The following CADM1 variants were observed in gnomAD, a reference collection of about 807,000 sequenced individuals.
CADM1 encodes the protein TSLC-1.
Under a neutral mutation model 53.1 loss-of-function variants are expected in CADM1, and 15 were observed. The ratio of observed to expected loss-of-function variants is 0.28; its 90% CI spans 0.19 to 0.44. CADM1 has a LOEUF of 0.44. Among genes scored for constraint, CADM1 ranks in the 20% least tolerant of loss-of-function variants. The probability of loss-of-function intolerance (pLI) is 1.00; values close to 1 mark genes in which losing one functional copy is unlikely to be tolerated. For synonymous variants in CADM1, 281 were observed against 243.0 expected, an observed-to-expected ratio of 1.16 and a Z score of -1.45; for missense variants, 434 against 611.3, an observed-to-expected ratio of 0.71 and a Z score of 3.06.
chr11:115,271,059 C>T (rs1447295546), intron 1 of CADM1, among the ~76,000 whole-genome samples: 1 of 152,062 alleles, frequency 6.6e-6, no homozygotes, highest in Non-Finnish European at 1.5e-5. Context: ...ATTAAGCCAA[C>T]CTGGATGAGG....
chr11:115,490,437 C>T (rs1017122886), intron 1 of CADM1, among the ~76,000 whole-genome samples: 3 of 129,090 alleles, frequency 2.3e-5, no homozygotes, highest in African/African-American at 9.0e-5. Flanking sequence ...CTTGCTCTGT[C>T]GCCCAGGCTG....
At position 115,365,935 on chromosome 11, in the gene CADM1, G is replaced by A. The variant is rs185154971; in HGVS notation, c.125-125515C>T. Among the ~76,000 whole-genome samples the A allele has an allele frequency of 1.4e-4, 21 of 152,244 alleles. No homozygotes were observed. In the East Asian group the frequency reaches 3.7e-3, roughly 27 times the overall value. The stretch of plus-strand genomic sequence containing the variant: ...TCCCACACGGTCACAATTAACACTG[G>A]GGCAGCTGTCTACTGATTGATTGGG... On this transcript the variant is annotated intron_variant, in intron 1 of 11. Coordinates refer to ENST00000331581, the MANE Select transcript of CADM1 (RefSeq NM_001301043.2).
At chr11:115,484,876 G>A (rs1159886432) in intron 1 of CADM1, among the ~76,000 whole-genome samples, 1 of 151,920 alleles carries the variant, frequency 6.6e-6, no homozygotes, top group East Asian at 1.9e-4. Context: ...GGAACCGGGA[G>A]GCAGAGCTTG....
intron 1 of CADM1, among the ~76,000 whole-genome samples, chr11:115,285,309 C>T (rs1376199034): frequency 6.6e-6 from 1 of 152,206 alleles, no homozygotes; most frequent in Non-Finnish European, 1.5e-5. Flanking sequence ...ACTAATATAG[C>T]TCATAATATG....
At position 115,169,388 on chromosome 11, in the gene CADM1, A is replaced by C. The variant is rs1387311579; in HGVS notation, c.*7086T>G. 2.9e-6 allele frequency: 1 copy of C among 344,096 alleles called. No homozygotes were observed. The highest frequency in any genetic ancestry group is 5.7e-6 in the Non-Finnish European group (1 of 174,026). 21.3% of individuals were successfully genotyped at this position (344,096 alleles called of 1,614,324 possible). A position where few individuals can be genotyped will look rare whatever the true frequency, so the allele number is the denominator to read the frequency against. On this transcript the variant is annotated 3_prime_UTR_variant, in exon 12 of 12. Transcript: ENST00000331581. ...CTGTCTTAAGCATCTCCCGGGCTAC[A>C]TTTCTGGCTGTGTTAAGAATCAAGC...
chr11:115,369,026 T>TAAAAAAAAAAAAAAAAAAAAAAAAAAA (rs552309443), intron 1 of CADM1, among the ~76,000 whole-genome samples: 3 of 44,748 alleles, frequency 6.7e-5, no homozygotes, highest in African/African-American at 8.4e-5. Flanking sequence ...AAAAAAAATC[T>TAAAAAAAAAAAAAAAAAAAAAAAAAAA]AAAAAAAAAA....
intron 2 of CADM1, among the ~76,000 whole-genome samples, chr11:115,239,713 G>T (rs562884669): frequency 4.0e-4 from 57 of 143,110 alleles, no homozygotes; most frequent in Middle Eastern, 3.5e-3. Context: ...ACAGTTTTTG[G>T]TTTTTTTTTT....
chr11:115,275,646 A>G (rs1445579417), intron 1 of CADM1, among the ~76,000 whole-genome samples: 1 of 152,176 alleles, frequency 6.6e-6, no homozygotes, highest in Non-Finnish European at 1.5e-5. Flanking sequence ...AAGCATAACT[A>G]AAAATAAAGG....
At chr11:115,377,860 G>A (rs1295019237) in intron 1 of CADM1, 2 of 152,084 alleles carry the variant, frequency 1.3e-5, no homozygotes, top group African/African-American at 4.8e-5. Flanking sequence ...TTTGCTTTAA[G>A]AGAAAAAAAC....
chr11:115,231,541 G>C, intron 3 of CADM1, 51 bp from the exon 4 acceptor site: 1 of 1,561,964 alleles, frequency 6.4e-7, no homozygotes, highest in Non-Finnish European at 8.8e-7. Context: ...TTTTTGCATT[G>C]TTGCTATCAA....
chr11:115,412,490 T>C (rs1947483774), intron 1 of CADM1, among the ~76,000 whole-genome samples: 1 of 152,232 alleles, frequency 6.6e-6, no homozygotes, highest in Non-Finnish European at 1.5e-5. Flanking sequence ...TGAGCCACTG[T>C]GCACAGCCCC....
intron 1 of CADM1, among the ~76,000 whole-genome samples, chr11:115,307,764 C>T (rs1944416475): frequency 6.6e-6 from 1 of 151,754 alleles, no homozygotes; most frequent in Admixed American, 6.6e-5. Context: ...CAATAGTTGC[C>T]TTGAAGGGTC....
intron 1 of CADM1, among the ~76,000 whole-genome samples, chr11:115,335,120 A>G (rs1945234474): frequency 6.6e-6 from 1 of 152,108 alleles, no homozygotes; most frequent in African/African-American, 2.4e-5. Context: ...CTGGTAAACC[A>G]TAAAAATTCA....
At chr11:115,395,800 A>G (rs887918404) in intron 1 of CADM1, among the ~76,000 whole-genome samples, 1 of 152,216 alleles carries the variant, frequency 6.6e-6, no homozygotes, top group Non-Finnish European at 1.5e-5. Flanking sequence ...TTTTTTTAAA[A>G]AAGACTCACT....
chr11:115,295,536 A>G (rs1178169348), intron 1 of CADM1, among the ~76,000 whole-genome samples: 1 of 76,538 alleles, frequency 1.3e-5, no homozygotes, highest in Non-Finnish European at 2.2e-5. Context: ...ATATATATAT[A>G]TATATATATA....
At chr11:115,320,813 A>AG (rs1198050621) in intron 1 of CADM1, among the ~76,000 whole-genome samples, 1 of 152,140 alleles carries the variant, frequency 6.6e-6, no homozygotes, top group Non-Finnish European at 1.5e-5. Flanking sequence ...TATGTAATAT[A>AG]GGGGAAAAAT....
intron 1 of CADM1, chr11:115,377,104 A>C (rs1353976537): frequency 6.6e-6 from 1 of 152,160 alleles, no homozygotes; most frequent in Non-Finnish European, 1.5e-5. Flanking sequence ...ATAGCTCATT[A>C]AAAAACTGTT....
intron 1 of CADM1, among the ~76,000 whole-genome samples, chr11:115,459,193 C>T (rs1300629157): frequency 2.0e-5 from 3 of 152,098 alleles, no homozygotes; most frequent in African/African-American, 4.8e-5. Context: ...TTCTGTATTC[C>T]GGTCAGTGAT....
chr11:115,267,675 TTTC>T (rs981806861), intron 1 of CADM1, among the ~76,000 whole-genome samples: 1 of 136,370 alleles, frequency 7.3e-6, no homozygotes, highest in African/African-American at 3.0e-5. Flanking sequence ...CTAAAATTGC[TTTC>T]TTTTTTTTTT....
Sources: allele counts gnomAD v4.1 joint callset (sites outside exome capture counted in the v4.1 genomes callset), GRCh38; gene constraint gnomAD v4.1.1; transcripts MANE v1.5; gene names NCBI Gene and HGNC (gene_info 2026-07-23, HGNC 2026-07-21).